Variants in MBD5 observed in about 807,000 individuals in gnomAD.
The protein encoded by MBD5 is methyl-CpG-binding domain protein 5.
Under a neutral mutation model 117.3 loss-of-function variants are expected in MBD5, and 13 were observed. The ratio of observed to expected loss-of-function variants is 0.11; its 90% CI spans 0.07 to 0.18. The LOEUF (loss-of-function observed/expected upper bound fraction) is 0.18. MBD5 is among the 10% of genes least tolerant of loss of function. The pLI is 1.00. For missense variants in MBD5, 1,879 were observed against 2,093.8 expected, an observed-to-expected ratio of 0.90 and a Z score of 2.00; for synonymous variants, 727 against 766.4, an observed-to-expected ratio of 0.95 and a Z score of 0.85.
intron 3 of MBD5, among the ~76,000 whole-genome samples, chr2:148,315,391 A>C (rs965732471): frequency 6.6e-6 from 1 of 152,174 alleles, no homozygotes; most frequent in Non-Finnish European, 1.5e-5. Context: ...TTTCACTCCA[A>C]AATACATCTG....
intron 4 of MBD5, among the ~76,000 whole-genome samples, chr2:148,388,420 A>G (rs910505801): frequency 2.0e-5 from 3 of 152,160 alleles, no homozygotes; most frequent in Non-Finnish European, 2.9e-5. Context: ...AATAATTAGG[A>G]TAATAATTAC....
intron 1 of MBD5, among the ~76,000 whole-genome samples, chr2:148,088,889 C>G (rs1695864626): frequency 6.6e-6 from 1 of 152,116 alleles, no homozygotes; most frequent in South Asian, 2.1e-4. Context: ...CCTGAATACT[C>G]CACTTCAAAG....
intron 1 of MBD5, among the ~76,000 whole-genome samples, chr2:148,130,297 A>G (rs1195605145): frequency 6.6e-6 from 1 of 152,172 alleles, no homozygotes; most frequent in Admixed American, 6.5e-5. Context: ...GAACTACTGT[A>G]CTTCTCATAG....
intron 3 of MBD5, among the ~76,000 whole-genome samples, chr2:148,313,453 G>A (rs374587210): frequency 6.6e-6 from 1 of 152,114 alleles, no homozygotes; most frequent in East Asian, 1.9e-4. Flanking sequence ...TTTACACTGT[G>A]AGGGTAAAAC....
In MBD5 at chr2:148,276,621, T is replaced by A. The variant is rs149678504; in HGVS notation, c.-680+43226T>A. On this transcript the variant is annotated intron_variant, in intron 3 of 13. Transcript: ENST00000642680. ...ATTTAACATTGATACAACATTAATA[T>A]AGTCTATGTTTAAATTTTTCCAATT... Among the ~76,000 whole-genome samples, 270 of 152,336 alleles carry A rather than the reference T, an allele frequency of 1.8e-3. 1 individual carries two copies. The highest frequency in any genetic ancestry group is 5.9e-3 in the African/African-American group (244 of 41,586).
chr2:148,449,215 C>T (rs1294599812), intron 4 of MBD5, among the ~76,000 whole-genome samples: 8 of 151,960 alleles, frequency 5.3e-5, no homozygotes. Flanking sequence ...ACTTTTTTGG[C>T]TTTAAAGAAA....
chr2:148,442,665 A>G (rs1189534611), intron 4 of MBD5, among the ~76,000 whole-genome samples: 2 of 151,360 alleles, frequency 1.3e-5, no homozygotes, highest in Admixed American at 6.6e-5. Context: ...TATGATTGTG[A>G]TAAGGATTAA....
chr2:148,171,860 A>G (rs1698271525), intron 1 of MBD5, among the ~76,000 whole-genome samples: 1 of 152,246 alleles, frequency 6.6e-6, no homozygotes, highest in Non-Finnish European at 1.5e-5. Context: ...TCCCATTTAC[A>G]ATCGCTACAA....
chr2:148,206,144 G>GAC (rs909735700), intron 2 of MBD5, among the ~76,000 whole-genome samples: 1 of 150,710 alleles, frequency 6.6e-6, no homozygotes, highest in Admixed American at 6.6e-5. Context: ...AAAATAGAGA[G>GAC]ACACACACAC....
chr2:148,206,418 C>T (rs112297864), intron 2 of MBD5, among the ~76,000 whole-genome samples: 6 of 152,098 alleles, frequency 3.9e-5, no homozygotes, highest in Non-Finnish European at 5.9e-5. Flanking sequence ...ATGATCAAAT[C>T]AGGGTAATTG....
Position 148,470,200 on chromosome 2 carries a change from C to A in MBD5, c.2257C>A (p.Pro753Thr), listed in dbSNP as rs370340010. 1.2e-5 allele frequency: 19 copies of A among 1,613,830 alleles called. No individual in the cohort carries two copies. In the African/African-American group the frequency reaches 2.3e-4, roughly 19 times the overall value. Residue 753 changes from proline (P) to threonine (T), a missense_variant, in exon 8 of 14, where the codon CCT (proline) becomes ACT (threonine). Pro to Thr is a conservative substitution (Grantham distance 38). Transcript: ENST00000642680. ...SMNSSVLQNIPLRGEAVHCHN... is the reference protein window; with the variant it reads ...SMNSSVLQNITLRGEAVHCHN... Reference sequence around the variant, plus strand: ...GAACTCTAGTGTTCTTCAGAACATACCTTTAAGAGGGGAAGCCGTGCACTG... The same window carrying A: ...GAACTCTAGTGTTCTTCAGAACATAACTTTAAGAGGGGAAGCCGTGCACTG...
At chr2:148,122,215 A>T (rs531292203) in intron 1 of MBD5, among the ~76,000 whole-genome samples, 1 of 152,218 alleles carries the variant, frequency 6.6e-6, no homozygotes, top group Non-Finnish European at 1.5e-5. Context: ...AATAATTATC[A>T]CAAAACTGTT....
At chr2:148,300,095 C>T (rs1701746175) in intron 3 of MBD5, among the ~76,000 whole-genome samples, 2 of 151,936 alleles carry the variant, frequency 1.3e-5, no homozygotes, top group Non-Finnish European at 2.9e-5. Context: ...ACTCTTGTTG[C>T]CCAGGCTGGA....
chr2:148,507,300 C>A (rs1051128889), intron 12 of MBD5, among the ~76,000 whole-genome samples: 5 of 152,170 alleles, frequency 3.3e-5, no homozygotes, highest in Admixed American at 3.3e-4. Context: ...CCATGACTAT[C>A]ACTTTTGAAA....
chr2:148,263,371 G>A (rs1000980126), intron 3 of MBD5, among the ~76,000 whole-genome samples: 1 of 152,032 alleles, frequency 6.6e-6, no homozygotes, highest in African/African-American at 2.4e-5. Context: ...AGAGAGGGAG[G>A]GAGACGAAGA....
At chr2:148,294,501 G>GTTTGTTTTGTTTTTT (rs1553496237) in intron 3 of MBD5, among the ~76,000 whole-genome samples, 1 of 113,216 alleles carries the variant, frequency 8.8e-6, no homozygotes, top group African/African-American at 3.7e-5. Flanking sequence ...TGGGATTACA[G>GTTTGTTTTGTTTTTT]TTTTTTTTTT....
intron 1 of MBD5, among the ~76,000 whole-genome samples, chr2:148,065,356 T>G: frequency 6.6e-6 from 1 of 152,076 alleles, no homozygotes; most frequent in East Asian, 1.9e-4. Context: ...AGCTTTAAGA[T>G]TGGAGGAGGC....
chr2:148,147,300 T>C (rs1697491861), intron 1 of MBD5, among the ~76,000 whole-genome samples: 1 of 152,004 alleles, frequency 6.6e-6, no homozygotes, highest in South Asian at 2.1e-4. Flanking sequence ...TGGAGTGCAG[T>C]GGGACGATCT....
intron 1 of MBD5, among the ~76,000 whole-genome samples, chr2:148,144,885 G>A (rs1250889707): frequency 6.6e-6 from 1 of 152,184 alleles, no homozygotes; most frequent in Non-Finnish European, 1.5e-5. Context: ...GTAGCATGAT[G>A]CCTCCAGCAT....
Sources: gnomAD v4.1 joint callset for allele counts (sites outside exome capture counted in the v4.1 genomes callset) on GRCh38, gnomAD v4.1.1 for gene constraint, MANE v1.5 for transcripts, NCBI Gene and HGNC (gene_info 2026-07-23, HGNC 2026-07-21) for gene names.